Variants in DLGAP5 observed in about 807,000 individuals in gnomAD.
DLGAP5 encodes the protein disks large-associated protein 5.
In DLGAP5, 90 loss-of-function variants were observed where a neutral mutation model predicts 99.6. The ratio of observed to expected loss-of-function variants is 0.90; its 90% confidence interval spans 0.76 to 1.08. The LOEUF (loss-of-function observed/expected upper bound fraction) is 1.08. Among genes scored for constraint, DLGAP5 ranks in the 50% least tolerant of loss-of-function variants. DLGAP5 has a pLI of 0.00. For synonymous variants in DLGAP5, 311 were observed against 321.3 expected (o/e 0.97, Z 0.34); for missense variants, 1,036 against 983.5 (o/e 1.05, Z -0.71).
At chr14:55,155,888 A>G (rs899091117) in intron 14 of DLGAP5, among the ~76,000 whole-genome samples, 2 of 151,668 alleles carry the variant, frequency 1.3e-5, no homozygotes, top group African/African-American at 4.8e-5. Context: ...GAAGATCGAG[A>G]CCATCCTGGC....
intron 15 of DLGAP5, among the ~76,000 whole-genome samples, chr14:55,154,297 A>C (rs1039201231): frequency 6.6e-6 from 1 of 152,228 alleles, no homozygotes; most frequent in African/African-American, 2.4e-5. Flanking sequence ...AAAGTTGCAT[A>C]GCTAGTAAGT....
At chr14:55,169,014 A>C (rs1313633493) in intron 12 of DLGAP5, among the ~76,000 whole-genome samples, 5 of 151,826 alleles carry the variant, frequency 3.3e-5, no homozygotes, top group African/African-American at 1.2e-4. Context: ...GTCTCTACTA[A>C]AAATACAAAA....
At chr14:55,169,994 G>A (rs1157401961) in intron 11 of DLGAP5, among the ~76,000 whole-genome samples, 2 of 152,070 alleles carry the variant, frequency 1.3e-5, no homozygotes, top group African/African-American at 4.8e-5. Context: ...AATCAGCTGG[G>A]CCTGGTGGCA....
intron 10 of DLGAP5, among the ~76,000 whole-genome samples, chr14:55,174,270 G>A (rs987075149): frequency 3.3e-5 from 5 of 152,052 alleles, no homozygotes; most frequent in African/African-American, 7.2e-5. Flanking sequence ...GGAAATTCCC[G>A]CCTAATAAAT....
At chr14:55,178,283 T>A (rs1379613228) in intron 7 of DLGAP5, among the ~76,000 whole-genome samples, 1 of 151,990 alleles carries the variant, frequency 6.6e-6, no homozygotes, top group Non-Finnish European at 1.5e-5. Context: ...ATTACAATGG[T>A]TTAAAATCAG....
chr14:55,166,986 T>TATTACA (rs1283296026), intron 12 of DLGAP5, among the ~76,000 whole-genome samples: 1 of 151,622 alleles, frequency 6.6e-6, no homozygotes. Flanking sequence ...CCAGGCACAG[T>TATTACA]GGCTCACACC....
chr14:55,188,170 A>G (rs1030848938), intron 2 of DLGAP5, among the ~76,000 whole-genome samples: 4 of 152,350 alleles, frequency 2.6e-5, no homozygotes, highest in East Asian at 1.9e-4. Context: ...TTTCAATGCC[A>G]TCTAGCTCCT....
chr14:55,179,771 G>A, intron 6 of DLGAP5, 72 bp from the exon 7 acceptor site: 2 of 1,255,982 alleles, frequency 1.6e-6, no homozygotes, highest in Non-Finnish European at 2.3e-6. Context: ...ACTTGGGAAA[G>A]GAAAAGAAGC....
At position 55,181,289 on chromosome 14, in the gene DLGAP5, G is replaced by C; in HGVS notation, c.504C>G (p.Asn168Lys). ...KDQMEQTKID[N>K]ESDVRAIRPG... Reference sequence around the variant, plus strand: ...GTCGGATTGCTCGAACATCACTCTCGTTATCAATCTATTTAAGAGATTAGG... The same window carrying C: ...GTCGGATTGCTCGAACATCACTCTCCTTATCAATCTATTTAAGAGATTAGG... Residue 168 changes from asparagine (N) to lysine (K), a missense_variant, in exon 5 of 19, where the codon AAC becomes AAG. Physicochemically the swap from Asn to Lys is moderately conservative, Grantham distance 94. Transcript: ENST00000247191. The C allele has an allele frequency of 6.2e-7, 1 of 1,613,624 alleles. No homozygotes were observed. Among genetic ancestry groups the C allele is most frequent in the Non-Finnish European group, 8.5e-7 (1 of 1,179,696 alleles).
chr14:55,166,611 C>T (rs1304783515), intron 12 of DLGAP5, among the ~76,000 whole-genome samples: 1 of 151,938 alleles, frequency 6.6e-6, no homozygotes, highest in Non-Finnish European at 1.5e-5. Flanking sequence ...TGACTGTAAT[C>T]CCAGCTACTT....
In DLGAP5 at chr14:55,163,010, A is replaced by G. The variant is rs770929110; in HGVS notation, c.1614T>C (p.Asn538=). 1 of 1,602,446 alleles carries G rather than the reference A, an allele frequency of 6.2e-7. No individual in the cohort carries two copies. Among genetic ancestry groups the G allele is most frequent in the Admixed American group, 1.7e-5 (1 of 59,090 alleles). The change falls in exon 13 of 19, where the codon AAT becomes AAC. Residue 538 remains asparagine, a synonymous_variant. Coordinates refer to ENST00000247191, the MANE Select transcript of DLGAP5 (RefSeq NM_014750.5). ...IKLEESGWQV[N]NNMNHNMNKN... is the part of the protein sequence containing the mutation. ...TGTTCATATTATGATTCATATTATT[A>G]TTGACTTGCCACCCAGATTCCTCAA... is the stretch of plus-strand genomic sequence containing the variant.
intron 13 of DLGAP5, among the ~76,000 whole-genome samples, chr14:55,161,408 ATT>A (rs551424574): frequency 4.1e-4 from 47 of 115,892 alleles, no homozygotes; most frequent in African/African-American, 1.1e-3. Flanking sequence ...TAAAAAAAAA[ATT>A]TTTTTTTTTT....
intron 14 of DLGAP5, among the ~76,000 whole-genome samples, chr14:55,156,894 A>G (rs1481058805): frequency 6.6e-6 from 1 of 152,276 alleles, no homozygotes; most frequent in Non-Finnish European, 1.5e-5. Context: ...AAAACATGAT[A>G]GCCAGCATGA....
intron 15 of DLGAP5, among the ~76,000 whole-genome samples, chr14:55,153,496 G>A (rs1447298892): frequency 2.7e-5 from 4 of 150,050 alleles, no homozygotes; most frequent in Admixed American, 2.7e-4. Flanking sequence ...AGCCGAGGTA[G>A]TGCCACTGCA....
chr14:55,169,121 A>C (rs1882753678), intron 12 of DLGAP5, among the ~76,000 whole-genome samples: 1 of 145,966 alleles, frequency 6.9e-6, no homozygotes, highest in African/African-American at 2.6e-5. Flanking sequence ...GACAGCAGTG[A>C]GCCGAGATCA....
intron 2 of DLGAP5, among the ~76,000 whole-genome samples, chr14:55,187,318 CTTTTTTTTTT>C: frequency 7.9e-6 from 1 of 126,714 alleles, no homozygotes; most frequent in East Asian, 2.3e-4. Context: ...CAAAGTGATC[CTTTTTTTTTT>C]TTTTTTTTGA....
At chr14:55,185,232 C>T (rs1228986508) in intron 2 of DLGAP5, among the ~76,000 whole-genome samples, 1 of 152,218 alleles carries the variant, frequency 6.6e-6, no homozygotes, top group African/African-American at 2.4e-5. Flanking sequence ...CAGAGTCTCG[C>T]ACTGTCGCCT....
Position 55,179,229 on chromosome 14 carries a change from A to C in DLGAP5, c.774+400T>G, listed in dbSNP as rs183818109. ...TATTCCATGTTAGGAATAAGAAAAG[A>C]AGCTCATAAACTACATAACTTGCCC... On this transcript the variant is annotated intron_variant, in intron 7 of 18. Transcript: ENST00000247191. 3.6e-3 allele frequency among the ~76,000 whole-genome samples: 532 copies of C among 148,214 alleles called. 3 individuals carry two copies. The highest frequency in any genetic ancestry group is 0.013 in the African/African-American group (483 of 37,736).
At chr14:55,171,560 G>A (rs1232502051) in intron 10 of DLGAP5, among the ~76,000 whole-genome samples, 1 of 152,112 alleles carries the variant, frequency 6.6e-6, no homozygotes, top group Non-Finnish European at 1.5e-5. Flanking sequence ...AAACAGTATG[G>A]CAGCTCCTCA....
Sources: allele counts gnomAD v4.1 joint callset (sites outside exome capture counted in the v4.1 genomes callset), GRCh38; gene constraint gnomAD v4.1.1; transcripts MANE v1.5; gene names NCBI Gene and HGNC (gene_info 2026-07-23, HGNC 2026-07-21).